Variants in OSBPL9 observed in about 807,000 individuals in gnomAD.
The protein encoded by OSBPL9 is oxysterol binding protein like 9.
OSBPL9 carries 40 observed loss-of-function variants against 106.6 expected under a neutral mutation model. The observed-to-expected ratio is 0.38, with a 90% CI of 0.29 to 0.49. OSBPL9 has a LOEUF of 0.49. OSBPL9 is among the 20% of genes least tolerant of loss of function. The pLI is 0.97. For synonymous variants in OSBPL9, 269 were observed against 295.4 expected, an observed-to-expected ratio of 0.91 and a Z score of 0.92; for missense variants, 609 against 887.2, an observed-to-expected ratio of 0.69 and a Z score of 3.98.
chr1:51,717,316 C>T (rs1661247953), intron 4 of OSBPL9, among the ~76,000 whole-genome samples: 1 of 152,190 alleles, frequency 6.6e-6, no homozygotes, highest in Non-Finnish European at 1.5e-5. Flanking sequence ...TTAAACTCCA[C>T]TCCATTGGTC....
chr1:51,785,920 T>TA (rs1183401274), intron 21 of OSBPL9, 34 bp downstream of exon 21: 1 of 1,544,776 alleles, frequency 6.5e-7, no homozygotes, highest in Non-Finnish European at 8.9e-7. Context: ...TGTTTTAGGC[T>TA]ACATTAGATT....
intron 1 of OSBPL9, among the ~76,000 whole-genome samples, chr1:51,619,582 G>C (rs949290298): frequency 6.6e-6 from 1 of 151,832 alleles, no homozygotes; most frequent in Admixed American, 6.6e-5. Flanking sequence ...TTCTTTTCTA[G>C]TTCCTTGATA....
intron 1 of OSBPL9, among the ~76,000 whole-genome samples, chr1:51,633,728 C>CAG (rs1335348876): frequency 2.0e-5 from 3 of 152,130 alleles, no homozygotes; most frequent in Non-Finnish European, 2.9e-5. Flanking sequence ...CTCAAGCAGT[C>CAG]TTCTTACTTA....
At chr1:51,634,070 A>G (rs1645273484) in intron 1 of OSBPL9, among the ~76,000 whole-genome samples, 1 of 152,196 alleles carries the variant, frequency 6.6e-6, no homozygotes, top group Non-Finnish European at 1.5e-5. Context: ...AGCATCTGAA[A>G]TTTCATGGGT....
chr1:51,608,684 G>GT (rs1643965657), intron 2 of OSBPL9, among the ~76,000 whole-genome samples: 4 of 151,620 alleles, frequency 2.6e-5, no homozygotes, highest in African/African-American at 9.7e-5. Context: ...GATTGGGGGG[G>GT]GGGGCTTTCC....
the OSBPL9 span, among the ~76,000 whole-genome samples, chr1:51,553,174 G>T: frequency 6.6e-6 from 1 of 151,954 alleles, no homozygotes; most frequent in Non-Finnish European, 1.5e-5. Context: ...GTTCTAGGAG[G>T]CCGGGGAAGC....
chr1:51,646,721 C>G (rs1002826122), intron 1 of OSBPL9, among the ~76,000 whole-genome samples: 1 of 151,920 alleles, frequency 6.6e-6, no homozygotes, highest in Non-Finnish European at 1.5e-5. Context: ...TTTTAGTAGA[C>G]ATGGGGTTTC....
the OSBPL9 span, among the ~76,000 whole-genome samples, chr1:51,523,527 G>A: frequency 0.044 from 6,730 of 152,014 alleles, 231 homozygotes; most frequent in Middle Eastern, 0.11. Flanking sequence ...GACAAAGCTG[G>A]GAATTATACA....
At chr1:51,711,325 C>T (rs1247867457) in intron 3 of OSBPL9, among the ~76,000 whole-genome samples, 17 of 147,736 alleles carry the variant, frequency 1.2e-4, no homozygotes, top group Admixed American at 8.0e-4. Context: ...GGCGGCTGGC[C>T]GGGCAGGGGG....
intron 4 of OSBPL9, chr1:51,740,249 T>A: frequency 6.8e-7 from 1 of 1,481,354 alleles, no homozygotes; most frequent in Non-Finnish European, 8.9e-7. Context: ...TATACTTCTT[T>A]CATTGGATGA....
chr1:51,650,686 A>G (rs1428436241), intron 1 of OSBPL9, among the ~76,000 whole-genome samples: 2 of 152,316 alleles, frequency 1.3e-5, no homozygotes, highest in East Asian at 3.9e-4. Context: ...ATCATCTTTA[A>G]AACATAATCA....
At chr1:51,771,542 TA>T (rs1673906329) in intron 12 of OSBPL9, among the ~76,000 whole-genome samples, 1 of 152,236 alleles carries the variant, frequency 6.6e-6, no homozygotes, top group Admixed American at 6.5e-5. Context: ...ACAGGTATGA[TA>T]ATCTATTAAT....
chr1:51,595,368 T>G (rs1645294542), intron 1 of OSBPL9, among the ~76,000 whole-genome samples: 1 of 152,114 alleles, frequency 6.6e-6, no homozygotes, highest in African/African-American at 2.4e-5. Flanking sequence ...CTTCTATCCT[T>G]CCATCCATCC....
intron 1 of OSBPL9, among the ~76,000 whole-genome samples, chr1:51,620,803 G>A (rs975399918): frequency 5.3e-5 from 8 of 152,102 alleles, no homozygotes; most frequent in Non-Finnish European, 1.2e-4. Flanking sequence ...AGTGTTGTAA[G>A]CACTTTTTAT....
intron 1 of OSBPL9, among the ~76,000 whole-genome samples, chr1:51,582,474 C>G (rs543191635): frequency 1.3e-5 from 2 of 152,182 alleles, no homozygotes; most frequent in South Asian, 4.2e-4. Context: ...ATTACAGGCA[C>G]GCACCACCAT....
chr1:51,746,037 C>T (rs1219920905), intron 5 of OSBPL9, among the ~76,000 whole-genome samples: 1 of 152,178 alleles, frequency 6.6e-6, no homozygotes, highest in African/African-American at 2.4e-5. Flanking sequence ...TCTCAGCTCA[C>T]TGCAACCTCC....
intron 2 of OSBPL9, among the ~76,000 whole-genome samples, chr1:51,656,828 T>TA (rs956160120): frequency 2.0e-5 from 3 of 148,738 alleles, no homozygotes; most frequent in African/African-American, 7.5e-5. Context: ...CCTGGCTAAT[T>TA]AAAATTTTTT....
At chr1:51,682,486 G>A (rs558864449) in intron 3 of OSBPL9, among the ~76,000 whole-genome samples, 4 of 152,164 alleles carry the variant, frequency 2.6e-5, no homozygotes, top group Admixed American at 2.6e-4. Context: ...GTGGCCGGGT[G>A]CGGTGTCTCA....
In OSBPL9 at chr1:51,745,620, G is replaced by C. The variant is rs371808604; in HGVS notation, c.403G>C (p.Glu135Gln). Reference protein sequence around the residue: ...EADAYLQILIEQLKLFDDKLQ... With the variant: ...EADAYLQILIQQLKLFDDKLQ... ...TGATGCTTACCTACAAATCTTGATTGAACAATTAAAGGTATGGCATTAGTT... is the reference window on the plus strand; with the variant it reads ...TGATGCTTACCTACAAATCTTGATTCAACAATTAAAGGTATGGCATTAGTT... The change falls in exon 5 of 24, where the codon GAA becomes CAA. Residue 135 changes from glutamate to glutamine, a missense_variant. Transcript: ENST00000428468. 1.5e-5 allele frequency: 24 copies of C among 1,586,162 alleles called. No individual in the cohort carries two copies. The highest frequency in any genetic ancestry group is 2.0e-5 in the Non-Finnish European group (24 of 1,171,340).
Sources: allele counts gnomAD v4.1 joint callset (sites outside exome capture counted in the v4.1 genomes callset), GRCh38; gene constraint gnomAD v4.1.1; transcripts MANE v1.5; gene names NCBI Gene and HGNC (gene_info 2026-07-23, HGNC 2026-07-21).